TXNRD2: variants seen among roughly 807,000 people sequenced by gnomAD.
The protein encoded by TXNRD2 is thioredoxin reductase 2, mitochondrial.
A neutral mutation model predicts 70.8 loss-of-function variants in TXNRD2; 67 were observed. The ratio of observed to expected loss-of-function variants is 0.95; its 90% CI spans 0.78 to 1.16. TXNRD2 has a LOEUF of 1.16. Ranked by LOEUF, TXNRD2 falls within the 50% of genes most tolerant of loss-of-function variation. The pLI, the probability that TXNRD2 is intolerant of heterozygous loss-of-function variation, is 0.00. For missense variants in TXNRD2, 644 were observed against 719.9 expected, an observed-to-expected ratio of 0.89 and a Z score of 1.21; for synonymous variants, 301 against 295.8, an observed-to-expected ratio of 1.02 and a Z score of -0.18.
intron 2 of TXNRD2, among the ~76,000 whole-genome samples, chr22:19,922,493 C>T (rs778133109): frequency 6.6e-6 from 1 of 152,148 alleles, no homozygotes; most frequent in Non-Finnish European, 1.5e-5. Context: ...AAAAACAAAC[C>T]TTTCTCACAG....
chr22:19,938,389 C>T (rs987415370), intron 1 of TXNRD2, among the ~76,000 whole-genome samples: 2 of 152,156 alleles, frequency 1.3e-5, no homozygotes, highest in African/African-American at 2.4e-5. Flanking sequence ...TGGGCTCCAG[C>T]GGTGAAAAAG....
intron 11 of TXNRD2, among the ~76,000 whole-genome samples, chr22:19,888,989 A>G (rs1327610279): frequency 6.6e-6 from 1 of 150,878 alleles, no homozygotes; most frequent in African/African-American, 2.4e-5. Flanking sequence ...TGCTGGCCTC[A>G]GGTCCCATCG....
At chr22:19,927,697 A>G (rs985988070) in intron 2 of TXNRD2, among the ~76,000 whole-genome samples, 2 of 151,612 alleles carry the variant, frequency 1.3e-5, no homozygotes, top group African/African-American at 4.8e-5. Context: ...AAGAAAAGAA[A>G]GAAAAAGAAA....
chr22:19,897,123 G>A (rs1310961823), intron 10 of TXNRD2, among the ~76,000 whole-genome samples: 3 of 152,188 alleles, frequency 2.0e-5, no homozygotes, highest in Non-Finnish European at 4.4e-5. Context: ...CGGTGGGTTT[G>A]CACTGAGGGA....
At chr22:19,932,475 C>CA (rs1336567686) in intron 1 of TXNRD2, 3 of 1,592,808 alleles carry the variant, frequency 1.9e-6, no homozygotes, top group Non-Finnish European at 2.6e-6. Context: ...AAGGGGCAGC[C>CA]AAAAAAGGGA....
At chr22:19,883,854 G>C in intron 11 of TXNRD2, 1 of 232,282 alleles carries the variant, frequency 4.3e-6, no homozygotes, top group African/African-American at 2.3e-5. Context: ...TCGGGAGGTT[G>C]AATCGCTTGA....
At chr22:19,920,743 G>A (rs768818929) in intron 2 of TXNRD2, among the ~76,000 whole-genome samples, 8 of 152,356 alleles carry the variant, frequency 5.3e-5, no homozygotes, top group Non-Finnish European at 8.8e-5. Flanking sequence ...GCCAAGGAAA[G>A]TGTTTGATTC....
At chr22:19,882,376 T>A (rs1279178821) in intron 12 of TXNRD2, among the ~76,000 whole-genome samples, 4 of 152,180 alleles carry the variant, frequency 2.6e-5, no homozygotes, top group Non-Finnish European at 5.9e-5. Flanking sequence ...TTTTTGTATT[T>A]TTTTAGTAGA....
At chr22:19,929,990 C>A (rs1036175387) in intron 2 of TXNRD2, among the ~76,000 whole-genome samples, 1 of 152,194 alleles carries the variant, frequency 6.6e-6, no homozygotes, top group Admixed American at 6.5e-5. Flanking sequence ...TCACTCCCAG[C>A]ATGGGAGTGA....
intron 8 of TXNRD2, among the ~76,000 whole-genome samples, chr22:19,900,650 C>T (rs1330649519): frequency 6.6e-6 from 1 of 151,496 alleles, no homozygotes; most frequent in Non-Finnish European, 1.5e-5. Flanking sequence ...CTGGGGAGGC[C>T]GAGACAGGAG....
chr22:19,883,813 C>T (rs1245682879), intron 11 of TXNRD2: 1 of 334,718 alleles, frequency 3.0e-6, no homozygotes, highest in Admixed American at 4.1e-5. Flanking sequence ...ATTACCTAGG[C>T]GTAGTGGTGC....
chr22:19,887,713 C>T (rs1939093037), intron 11 of TXNRD2: 1 of 152,334 alleles, frequency 6.6e-6, no homozygotes, highest in African/African-American at 2.4e-5. Context: ...AAGCTGCCCT[C>T]CAAGAGGATC....
At chr22:19,879,482 T>C (rs1449870784) in intron 14 of TXNRD2, among the ~76,000 whole-genome samples, 1 of 150,300 alleles carries the variant, frequency 6.7e-6, no homozygotes, top group Non-Finnish European at 1.5e-5. Flanking sequence ...TGAAAACCCC[T>C]TTCCTCAAGG....
Position 19,929,570 on chromosome 22 carries a change from T to C in TXNRD2, c.172+1460A>G, listed in dbSNP as rs184726844. ...ACAGGTACAGGTAGAGATTAGGACA[T>C]AGACATGCACAGAGGGACGACAACT... is the stretch of plus-strand genomic sequence containing the variant. On this transcript the variant is annotated intron_variant, in intron 2 of 17. Transcript: ENST00000400521. 2.6e-4 allele frequency among the ~76,000 whole-genome samples: 40 copies of C among 152,114 alleles called. No homozygotes were observed. The East Asian group carries it at 7.4e-3, about 28-fold the overall frequency.
chr22:19,878,043 A>G (rs1222109941), intron 16 of TXNRD2, 47 bp downstream of exon 16: 2 of 1,521,372 alleles, frequency 1.3e-6, no homozygotes, highest in Middle Eastern at 1.7e-4. Flanking sequence ...CACTCGAGGG[A>G]TACCCAGCTG....
intron 16 of TXNRD2, 43 bp from the exon 17 acceptor site, chr22:19,877,277 G>C (rs1938552764): frequency 6.4e-7 from 1 of 1,568,994 alleles, no homozygotes; most frequent in African/African-American, 1.3e-5. Flanking sequence ...TCAGCACAGG[G>C]AGGGGGGTCC....
At chr22:19,880,531 A>G in intron 13 of TXNRD2, 91 bp downstream of exon 13, 1 of 1,193,628 alleles carries the variant, frequency 8.4e-7, no homozygotes, top group African/African-American at 1.5e-5. Flanking sequence ...ACATGCAGAC[A>G]CACAGCGCAC....
intron 12 of TXNRD2, among the ~76,000 whole-genome samples, chr22:19,882,206 TTC>T (rs1210582229): frequency 2.6e-5 from 4 of 152,030 alleles, no homozygotes; most frequent in Non-Finnish European, 5.9e-5. Context: ...AGCTGACACT[TTC>T]TGACATGGAG....
chr22:19,932,949 C>T (rs1941420684), intron 1 of TXNRD2, among the ~76,000 whole-genome samples: 1 of 152,246 alleles, frequency 6.6e-6, no homozygotes, highest in South Asian at 2.1e-4. Flanking sequence ...TGTCTCTCCA[C>T]ACCCTGGCCC....
Sources: allele counts gnomAD v4.1 joint callset (sites outside exome capture counted in the v4.1 genomes callset), GRCh38; gene constraint gnomAD v4.1.1; transcripts MANE v1.5; gene names NCBI Gene and HGNC (gene_info 2026-07-23, HGNC 2026-07-21).